Variants in COL24A1 observed in about 807,000 individuals in gnomAD.
The protein encoded by COL24A1 is collagen type XXIV alpha 1 chain, also known as collagen alpha-1(XXIV) chain.
A neutral mutation model predicts 253.9 loss-of-function variants in COL24A1; 224 were observed. The ratio of observed to expected loss-of-function variants is 0.88; its 90% CI spans 0.79 to 0.99. The LOEUF (loss-of-function observed/expected upper bound fraction) is 0.99, where lower values mean the gene tolerates loss of function less well. COL24A1 is among the 50% of genes least tolerant of loss of function. The probability of loss-of-function intolerance (pLI) is 0.00; values close to 1 mark genes in which losing one functional copy is unlikely to be tolerated. For missense variants in COL24A1, 2,131 were observed against 2,068.5 expected, an observed-to-expected ratio of 1.03 and a Z score of -0.59; for synonymous variants, 685 against 673.7, an observed-to-expected ratio of 1.02 and a Z score of -0.26.
intron 37 of COL24A1, among the ~76,000 whole-genome samples, chr1:85,853,704 A>G (rs756159915): frequency 6.6e-6 from 1 of 152,134 alleles, no homozygotes; most frequent in African/African-American, 2.4e-5. Context: ...TTTGATTTGC[A>G]TTTCTCTAAT....
chr1:85,898,358 A>G (rs1343821164), intron 28 of COL24A1, among the ~76,000 whole-genome samples: 1 of 152,182 alleles, frequency 6.6e-6, no homozygotes, highest in East Asian at 1.9e-4. Flanking sequence ...TCTTAGGGTA[A>G]CTGCATTCCT....
At chr1:85,836,961 G>C (rs1208050954) in intron 43 of COL24A1, among the ~76,000 whole-genome samples, 7 of 152,164 alleles carry the variant, frequency 4.6e-5, no homozygotes, top group African/African-American at 1.7e-4. Flanking sequence ...TCATTTGCTG[G>C]TAAATATACT....
At chr1:85,811,723 C>T (rs920036448) in intron 47 of COL24A1, among the ~76,000 whole-genome samples, 1 of 152,166 alleles carries the variant, frequency 6.6e-6, no homozygotes, top group African/African-American at 2.4e-5. Context: ...GTTATATATC[C>T]TTCCATGGGA....
chr1:85,933,079 G>C (rs1288578181), intron 24 of COL24A1, among the ~76,000 whole-genome samples: 1 of 91,052 alleles, frequency 1.1e-5, no homozygotes, highest in African/African-American at 4.4e-5. Flanking sequence ...CTAAAACTTA[G>C]AGTATAATAA....
At chr1:86,020,583 C>A (rs1392703244) in intron 18 of COL24A1, among the ~76,000 whole-genome samples, 1 of 151,996 alleles carries the variant, frequency 6.6e-6, no homozygotes, top group Non-Finnish European at 1.5e-5. Context: ...ATACTTGACT[C>A]TAGTTTTCTC....
chr1:86,011,708 T>C (rs1053501583), intron 19 of COL24A1, among the ~76,000 whole-genome samples: 1 of 152,210 alleles, frequency 6.6e-6, no homozygotes, highest in African/African-American at 2.4e-5. Context: ...GTGCCACGCT[T>C]TGCTGCAGTA....
chr1:86,022,138 T>C (rs1281656959), intron 18 of COL24A1, 102 bp downstream of exon 18: 3 of 994,212 alleles, frequency 3.0e-6, no homozygotes, highest in Non-Finnish European at 4.8e-6. Context: ...AGGAGACAAA[T>C]GCTCAGTAGG....
intron 47 of COL24A1, among the ~76,000 whole-genome samples, chr1:85,810,220 T>C (rs1282699008): frequency 4.6e-5 from 7 of 152,072 alleles, no homozygotes; most frequent in Non-Finnish European, 5.9e-5. Flanking sequence ...ATTAGCATGC[T>C]AAAAGACACT....
At chr1:86,119,411 A>C (rs1418782198) in intron 3 of COL24A1, among the ~76,000 whole-genome samples, 2 of 152,248 alleles carry the variant, frequency 1.3e-5, no homozygotes, top group East Asian at 1.9e-4. Flanking sequence ...CCCAGTAAAA[A>C]CCCAACTTCA....
intron 47 of COL24A1, among the ~76,000 whole-genome samples, chr1:85,814,801 T>C (rs1360553275): frequency 2.0e-5 from 3 of 152,234 alleles, no homozygotes; most frequent in Admixed American, 6.5e-5. Context: ...ATGACTTTGA[T>C]ATGTCACTAA....
intron 10 of COL24A1, among the ~76,000 whole-genome samples, chr1:86,054,565 G>C (rs1238580616): frequency 1.3e-5 from 2 of 151,994 alleles, no homozygotes; most frequent in Non-Finnish European, 2.9e-5. Context: ...ACTAATCAGA[G>C]AGATTCAAAT....
At chr1:86,155,860 A>T (rs4656131) in intron 1 of COL24A1, 85,024 of 153,526 alleles carry the variant, frequency 0.55, 23,902 homozygotes, top group Non-Finnish European at 0.62. Flanking sequence ...GCCTGAGTCC[A>T]GTGGTCCAGG....
chr1:85,837,980 G>A (rs952784722), intron 43 of COL24A1, among the ~76,000 whole-genome samples: 3 of 152,044 alleles, frequency 2.0e-5, no homozygotes, highest in Non-Finnish European at 2.9e-5. Context: ...CACTGAATAC[G>A]TTCTACACAC....
intron 10 of COL24A1, among the ~76,000 whole-genome samples, chr1:86,051,310 A>T (rs923618206): frequency 6.6e-6 from 1 of 152,122 alleles, no homozygotes; most frequent in Non-Finnish European, 1.5e-5. Flanking sequence ...TAACTGTAAC[A>T]TCATTTGATA....
At chr1:85,880,500 A>G (rs932895639) in intron 32 of COL24A1, among the ~76,000 whole-genome samples, 10 of 151,554 alleles carry the variant, frequency 6.6e-5, no homozygotes, top group African/African-American at 2.2e-4. Flanking sequence ...CCAAATTTGT[A>G]TACTTTTTCT....
intron 32 of COL24A1, among the ~76,000 whole-genome samples, chr1:85,880,579 G>A (rs1425243776): frequency 2.0e-5 from 3 of 152,062 alleles, no homozygotes; most frequent in Non-Finnish European, 4.4e-5. Flanking sequence ...TTTAACAAAG[G>A]AGGAACATGT....
Position 85,958,454 on chromosome 1 carries a change from C to T in COL24A1, c.2562+2795G>A, listed in dbSNP as rs183874910. The stretch of plus-strand genomic sequence containing the variant: ...TCAAACCTCCAATAGACTGTAAATT[C>T]CATGAAGGTAGGGACCATATGTTTA... On this transcript the variant is annotated intron_variant, in intron 24 of 59. Coordinates refer to ENST00000370571, the MANE Select transcript of COL24A1 (RefSeq NM_152890.7). 2.4e-3 allele frequency among the ~76,000 whole-genome samples: 367 copies of T among 152,084 alleles called. 3 individuals are homozygous for T. The South Asian group carries it at 0.025, about 10-fold the overall frequency.
intron 7 of COL24A1, among the ~76,000 whole-genome samples, chr1:86,076,760 T>C (rs1702282544): frequency 6.6e-6 from 1 of 152,180 alleles, no homozygotes; most frequent in African/African-American, 2.4e-5. Context: ...CCCTATTTAA[T>C]AAATGGTGTT....
At chr1:85,946,559 A>G (rs1371288803) in intron 24 of COL24A1, among the ~76,000 whole-genome samples, 1 of 152,190 alleles carries the variant, frequency 6.6e-6, no homozygotes, top group Non-Finnish European at 1.5e-5. Context: ...GCAGTAGTAC[A>G]ATAAATACAA....
Sources: allele counts gnomAD v4.1 joint callset (sites outside exome capture counted in the v4.1 genomes callset), GRCh38; gene constraint gnomAD v4.1.1; transcripts MANE v1.5; gene names NCBI Gene and HGNC (gene_info 2026-07-23, HGNC 2026-07-21).